ZNF335: variants seen among roughly 807,000 people sequenced by gnomAD.
ZNF335 encodes the protein NRC-interacting factor 1.
A neutral mutation model predicts 145.6 loss-of-function variants in ZNF335; 84 were observed. The ratio of observed to expected loss-of-function variants is 0.58; its 90% CI spans 0.48 to 0.69. The LOEUF (loss-of-function observed/expected upper bound fraction) is 0.69, where lower values mean the gene tolerates loss of function less well. Among genes scored for constraint, ZNF335 ranks in the 30% least tolerant of loss-of-function variants. The pLI, the probability that ZNF335 is intolerant of heterozygous loss-of-function variation, is 0.00. For missense variants in ZNF335, 1,865 were observed against 1,809.7 expected (o/e 1.03, Z -0.55); for synonymous variants, 761 against 717.0 (o/e 1.06, Z -0.98).
At chr20:45,957,757 C>G in intron 16 of ZNF335, 77 bp from the exon 17 acceptor site, 1 of 1,602,116 alleles carries the variant, frequency 6.2e-7, no homozygotes, top group Non-Finnish European at 8.5e-7. Flanking sequence ...CATCTTCCAG[C>G]CCCCACCAGC....
rs772852861 is a variant in ZNF335, at chr20:45,963,947, G to A, written c.1146C>T (p.Ser382=). ...EPLVSSQSGQ[S]PPEPQDPEAP... is the part of the protein sequence containing the mutation. The stretch of plus-strand genomic sequence containing the variant: ...CCTCGGGATCCTGTGGCTCTGGAGG[G>A]CTCTGTCCACTCTGGGAACTCACTA... Residue 382 remains serine (S), a synonymous_variant, in exon 8 of 28, where the codon AGC becomes AGT. Coordinates refer to ENST00000322927, the MANE Select transcript of ZNF335 (RefSeq NM_022095.4). 1.9e-6 allele frequency: 3 copies of A among 1,543,784 alleles called. No individual in the cohort carries two copies. Among genetic ancestry groups the A allele is most frequent in the Non-Finnish European group, 2.6e-6 (3 of 1,146,784 alleles).
At chr20:45,965,072 A>ATAAT (rs571770957) in intron 7 of ZNF335, among the ~76,000 whole-genome samples, 244 of 135,670 alleles carry the variant, frequency 1.8e-3, no homozygotes, top group African/African-American at 5.4e-3. Flanking sequence ...ATAATAATAC[A>ATAAT]ACAACTCTCC....
chr20:45,969,667 TC>T lies in ZNF335; in HGVS notation c.225del (p.Ser76AlafsTer24). ...TAGCTATTAGGCAGGGGGTCTGCGC[TC>T]GAGCTGCTCTCAGATACCTCCTCCT... ...RSQEEVSESS[S>X]SADPLPNSYL... On this transcript the variant is annotated frameshift_variant, in exon 3 of 28. Coordinates refer to ENST00000322927, the MANE Select transcript of ZNF335 (RefSeq NM_022095.4). LOFTEE classifies it high-confidence loss of function. The T allele has an allele frequency of 6.2e-7, 1 of 1,611,862 alleles. No homozygotes were observed. The highest frequency in any genetic ancestry group is 8.5e-7 in the Non-Finnish European group (1 of 1,179,118).
chr20:45,960,390 G>A (rs776975851), intron 13 of ZNF335, 22 bp from the exon 14 acceptor site: 4 of 1,614,082 alleles, frequency 2.5e-6, no homozygotes, highest in East Asian at 2.2e-5. Flanking sequence ...TAGAGGGAGG[G>A]AAGCTCAGTA....
At chr20:45,951,047 C>T (rs764560801) in intron 20 of ZNF335, among the ~76,000 whole-genome samples, 2 of 152,228 alleles carry the variant, frequency 1.3e-5, no homozygotes, top group Non-Finnish European at 2.9e-5. Flanking sequence ...CATGCGCCAC[C>T]ACACCTGGCT....
intron 10 of ZNF335, chr20:45,961,864 G>A: frequency 2.0e-6 from 1 of 506,862 alleles, no homozygotes; most frequent in East Asian, 2.9e-5. Context: ...AAGAGGCTGA[G>A]CTGGGGACCT....
At chr20:45,971,958 G>C (rs1255898791) in intron 1 of ZNF335, 164 bp downstream of exon 1, 1 of 985,336 alleles carries the variant, frequency 1.0e-6, no homozygotes, top group Non-Finnish European at 1.2e-6. Context: ...GGTGGCGCCG[G>C]GTTTCCGCTC....
intron 24 of ZNF335, 44 bp downstream of exon 24, chr20:45,949,756 T>C (rs368811132): frequency 1.0e-4 from 161 of 1,605,656 alleles, no homozygotes; most frequent in Non-Finnish European, 1.3e-4. Flanking sequence ...TTTGGGAGGG[T>C]AGGAGGTCAC....
intron 9 of ZNF335, 142 bp downstream of exon 9, chr20:45,963,331 G>T: frequency 1.0e-6 from 1 of 997,850 alleles, no homozygotes; most frequent in Non-Finnish European, 1.4e-6. Flanking sequence ...GTACGCCAGT[G>T]AGCCAGACAC....
rs1331212613 is a variant in ZNF335 at position 45,962,809 on chromosome 20, T to G, written c.1534-627A>C. On this transcript the variant is annotated intron_variant, in intron 9 of 27. Coordinates refer to ENST00000322927, the MANE Select transcript of ZNF335 (RefSeq NM_022095.4). ...AAGGAGAAAAAGGAACCGTTTTTTTTTTTTTGTTTGTTTGTTTTTTTGAGA... is the reference window on the plus strand; with the variant it reads ...AAGGAGAAAAAGGAACCGTTTTTTTGTTTTTGTTTGTTTGTTTTTTTGAGA... Among the ~76,000 whole-genome samples, 111 of 105,228 alleles carry G rather than the reference T, an allele frequency of 1.1e-3. 3 individuals carry two copies. The highest frequency in any genetic ancestry group is 1.9e-3 in the Non-Finnish European group (95 of 49,456). 69.0% of individuals were successfully genotyped at this position (105,228 alleles called of 152,430 possible). A position where few individuals can be genotyped will look rare whatever the true frequency, so the allele number is the denominator to read the frequency against.
rs1410393412 is a variant in ZNF335 at position 45,971,237 on chromosome 20, T to C, written c.174A>G (p.Gln58=). The C allele has an allele frequency of 6.5e-7, 1 of 1,550,100 alleles. No individual in the cohort carries two copies. ...QAEADDSGVG[Q]SSDRGSRSQE... ...GAGAACGGCTGCCGCGGTCCGAGCT[T>C]TGCCCCACGCCAGAGTCATCGGCCT... Residue 58 remains glutamine, a synonymous_variant, in exon 2 of 28, where the codon CAA becomes CAG. Coordinates refer to ENST00000322927, the MANE Select transcript of ZNF335 (RefSeq NM_022095.4).
Position 45,965,761 on chromosome 20 carries a change from A to G in ZNF335, c.969T>C (p.Tyr323=), listed in dbSNP as rs767956535. Residue 323 remains tyrosine (Y), a synonymous_variant, in exon 7 of 28, where the codon TAT becomes TAC. Transcript: ENST00000322927. The part of the protein sequence containing the change: ...AIDDLEEDSD[Y]NPAEDEPRGR... Reference sequence around the variant, plus strand: ...CTCGGGGCTCATCCTCAGCTGGATTATAGTCGCTATCCTCTGTGGGGGACA... The same window carrying G: ...CTCGGGGCTCATCCTCAGCTGGATTGTAGTCGCTATCCTCTGTGGGGGACA... The G allele has an allele frequency of 6.2e-7, 1 of 1,604,652 alleles. No individual in the cohort carries two copies. The highest frequency in any genetic ancestry group is 1.1e-5 in the South Asian group (1 of 90,686).
At chr20:45,954,313 G>A (rs528642875) in intron 17 of ZNF335, among the ~76,000 whole-genome samples, 10 of 152,244 alleles carry the variant, frequency 6.6e-5, no homozygotes, top group African/African-American at 2.2e-4. Flanking sequence ...CCACACAATA[G>A]TATCTGCCTC....
At position 45,971,431 on chromosome 20, in the gene ZNF335, C is replaced by T. The variant is rs1340520223; in HGVS notation, c.-21G>A. 2.5e-6 allele frequency: 4 copies of T among 1,597,870 alleles called. No homozygotes were observed. Among genetic ancestry groups the T allele is most frequent in the Middle Eastern group, 1.6e-4 (1 of 6,082 alleles). The stretch of plus-strand genomic sequence containing the variant: ...TCCATCTGATCGGCGGGCTGCCTGA[C>T]AGCGGGGCGTAGGGTCTGGGAACTT... On this transcript the variant is annotated 5_prime_UTR_variant, in exon 2 of 28. Coordinates refer to ENST00000322927, the MANE Select transcript of ZNF335 (RefSeq NM_022095.4).
chr20:45,949,035 G>A lies in ZNF335; in HGVS notation c.3947C>T (p.Thr1316Ile). The A allele has an allele frequency of 6.2e-7, 1 of 1,613,886 alleles. No individual in the cohort carries two copies. Among genetic ancestry groups the A allele is most frequent in the South Asian group, 1.1e-5 (1 of 91,082 alleles). The change falls in exon 28 of 28, where the codon ACA (threonine) becomes ATA (isoleucine). Residue 1316 changes from threonine to isoleucine, a missense_variant. Thr to Ile is a moderately conservative substitution (Grantham distance 89, BLOSUM62 -1). Coordinates refer to ENST00000322927, the MANE Select transcript of ZNF335 (RefSeq NM_022095.4). ...AATGTGTTCGGGCACTGTCTCGTCT[G>A]TACCAAACAGGCCCTGGGCTTGGGC... Reference protein sequence around the residue: ...AMAQAQGLFGTDETVPEHIQQ... With the variant: ...AMAQAQGLFGIDETVPEHIQQ...
In ZNF335 at chr20:45,971,304, G is replaced by A; in HGVS notation, c.107C>T (p.Ser36Phe). The part of the protein sequence containing the change: ...GLGVGTSEAV[S>F]ADSSDAAAAP... ...GGCCGCGGCGTCGCTGCTGTCGGCG[G>A]ACACGGCTTCTGAGGTGCCCACACC... The change falls in exon 2 of 28, where the codon TCC becomes TTC. Residue 36 changes from serine to phenylalanine, a missense_variant. Transcript: ENST00000322927. 6.3e-7 allele frequency: 1 copy of A among 1,592,716 alleles called. No homozygotes were observed. The highest frequency in any genetic ancestry group is 1.1e-5 in the South Asian group (1 of 90,046).
intron 17 of ZNF335, among the ~76,000 whole-genome samples, chr20:45,956,219 A>AT (rs2083725614): frequency 1.3e-5 from 2 of 150,432 alleles, no homozygotes; most frequent in African/African-American, 4.9e-5. Flanking sequence ...CCTAATGTTC[A>AT]TTTTTTTCTT....
chr20:45,953,119 G>T (rs1283599038), intron 18 of ZNF335, among the ~76,000 whole-genome samples: 1 of 152,196 alleles, frequency 6.6e-6, no homozygotes, highest in Non-Finnish European at 1.5e-5. Flanking sequence ...AAGGGCATGG[G>T]CCTGGGGATC....
rs376480436 is a variant in ZNF335 at position 45,959,292 on chromosome 20, C to T, written c.2162G>A (p.Arg721His). ...RHPEEPPSRR[R>H]PFFSLQQIEE... ...AATCTGCTGCAGAGAGAAGAAGGGG[C>T]GACGGCGGGAGGGGGGCTCCTCAGG... is the stretch of plus-strand genomic sequence containing the variant. Residue 721 changes from arginine to histidine, a missense_variant, in exon 15 of 28, where the codon CGC becomes CAC. Arg to His is a conservative substitution (Grantham distance 29, BLOSUM62 0). Transcript: ENST00000322927. The T allele has an allele frequency of 3.6e-5, 56 of 1,557,294 alleles. No homozygotes were observed. The highest frequency in any genetic ancestry group is 4.5e-5 in the Non-Finnish European group (52 of 1,147,644).
Sources: gnomAD v4.1 joint callset for allele counts (sites outside exome capture counted in the v4.1 genomes callset) on GRCh38, gnomAD v4.1.1 for gene constraint, MANE v1.5 for transcripts, NCBI Gene and HGNC (gene_info 2026-07-23, HGNC 2026-07-21) for gene names.